SLC35F4: variants seen among roughly 807,000 people sequenced by gnomAD.
SLC35F4 encodes the protein solute carrier family 35 member F4, also known as chromosome 14 open reading frame 36.
SLC35F4 carries 24 observed loss-of-function variants against 44.2 expected under a neutral mutation model. The ratio of observed to expected loss-of-function variants is 0.54; its 90% CI spans 0.39 to 0.76. The LOEUF (loss-of-function observed/expected upper bound fraction) is 0.76. SLC35F4 is among the 30% of genes least tolerant of loss of function. The pLI, the probability that SLC35F4 is intolerant of heterozygous loss-of-function variation, is 0.00. For synonymous variants in SLC35F4, 238 were observed against 223.6 expected (o/e 1.06, Z -0.57); for missense variants, 562 against 586.1 (o/e 0.96, Z 0.42).
intron 1 of SLC35F4, among the ~76,000 whole-genome samples, chr14:57,754,659 T>G (rs1344028771): frequency 1.3e-5 from 2 of 152,246 alleles, no homozygotes; most frequent in African/African-American, 4.8e-5. Context: ...GCCTTTCATC[T>G]TGTATCAGGG....
intron 1 of SLC35F4, among the ~76,000 whole-genome samples, chr14:57,849,201 C>T (rs917795512): frequency 2.0e-5 from 3 of 152,178 alleles, no homozygotes; most frequent in African/African-American, 7.2e-5. Context: ...GTTGTTGTTG[C>T]CCAGGCTGGA....
chr14:57,610,832 C>G (rs559493305), intron 1 of SLC35F4, among the ~76,000 whole-genome samples: 1 of 152,298 alleles, frequency 6.6e-6, no homozygotes, highest in South Asian at 2.1e-4. Flanking sequence ...TGATAGGTAC[C>G]ATGCAGACCC....
chr14:57,680,225 A>C (rs918613394), intron 1 of SLC35F4, among the ~76,000 whole-genome samples: 3 of 152,144 alleles, frequency 2.0e-5, no homozygotes, highest in Non-Finnish European at 2.9e-5. Context: ...CTACATTAGC[A>C]AATCAATAAA....
intron 1 of SLC35F4, among the ~76,000 whole-genome samples, chr14:57,672,969 C>T (rs569508070): frequency 6.6e-6 from 1 of 151,648 alleles, no homozygotes; most frequent in Non-Finnish European, 1.5e-5. Context: ...GCTAATTTAA[C>T]ATTTTATTCA....
intron 1 of SLC35F4, among the ~76,000 whole-genome samples, chr14:57,846,358 G>A (rs879830437): frequency 1.3e-5 from 2 of 152,076 alleles, no homozygotes; most frequent in Non-Finnish European, 2.9e-5. Flanking sequence ...TTTCCATGTT[G>A]CCTGAATATT....
intron 1 of SLC35F4, among the ~76,000 whole-genome samples, chr14:57,595,445 T>C (rs1007194965): frequency 4.6e-5 from 7 of 152,150 alleles, no homozygotes; most frequent in Non-Finnish European, 7.3e-5. Context: ...TTCCATGCTC[T>C]CTTCTTCGGT....
chr14:57,739,171 G>C (rs2076542657), intron 1 of SLC35F4, among the ~76,000 whole-genome samples: 1 of 152,044 alleles, frequency 6.6e-6, no homozygotes, highest in Admixed American at 6.6e-5. Flanking sequence ...GGGACAGAGA[G>C]TCCTGAGGGT....
At chr14:57,735,725 GT>G (rs11337745) in intron 1 of SLC35F4, among the ~76,000 whole-genome samples, 18,952 of 140,780 alleles carry the variant, frequency 0.13, 1,748 homozygotes, top group African/African-American at 0.27. Flanking sequence ...ACCCCCTTTT[GT>G]TTTTTTTTTT....
At position 57,894,209 on chromosome 14, in the gene SLC35F4, T is replaced by C. The variant is rs1219345823; in HGVS notation, n.282+87704A>G. Reference sequence around the variant, plus strand: ...AAGTATTATTCAAGGTACTATACAATGATATTATAGCAAGCACTATATGAA... The same window carrying C: ...AAGTATTATTCAAGGTACTATACAACGATATTATAGCAAGCACTATATGAA... On this transcript the variant is annotated intron_variant and non_coding_transcript_variant, in intron 1 of 1. Coordinates refer to the SLC35F4 transcript ENST00000556568. Among the ~76,000 whole-genome samples, 4 of 152,210 alleles carry C rather than the reference T, an allele frequency of 2.6e-5. No individual in the cohort carries two copies. The East Asian group carries it at 5.8e-4, about 22-fold the overall frequency.
chr14:57,714,773 T>A (rs1309506259), intron 1 of SLC35F4, among the ~76,000 whole-genome samples: 1 of 152,098 alleles, frequency 6.6e-6, no homozygotes, highest in Non-Finnish European at 1.5e-5. Flanking sequence ...AGATTAGTGA[T>A]AGAGAGATGC....
chr14:57,913,105 G>C (rs7148141), intron 1 of SLC35F4, among the ~76,000 whole-genome samples: 46,664 of 151,740 alleles, frequency 0.31, 7,856 homozygotes, highest in East Asian at 0.5. Flanking sequence ...TTTCATTACT[G>C]TTAGTATGAT....
Position 57,709,592 on chromosome 14 carries a change from C to A in SLC35F4, c.104-115468G>T, listed in dbSNP as rs140775164. Among the ~76,000 whole-genome samples, 72 of 152,206 alleles carry A rather than the reference C, an allele frequency of 4.7e-4. 1 individual carries two copies. The East Asian group carries it at 0.013, about 27-fold the overall frequency. ...TGCCCTCGGTCTCTTGCCTCGGCAC[C>A]TAGGTGGCTTGCCGCTCACAAAACT... On this transcript the variant is annotated intron_variant, in intron 1 of 7. Coordinates refer to ENST00000556826, the MANE Select transcript of SLC35F4 (RefSeq NM_001306087.2).
chr14:57,799,886 G>C (rs1301283195), intron 1 of SLC35F4, among the ~76,000 whole-genome samples: 1 of 152,204 alleles, frequency 6.6e-6, no homozygotes, highest in Non-Finnish European at 1.5e-5. Flanking sequence ...TGAGGGGGAG[G>C]TGCAGACACC....
At chr14:57,580,315 T>C (rs571680769) in intron 4 of SLC35F4, 5 of 164,854 alleles carry the variant, frequency 3.0e-5, no homozygotes, top group South Asian at 2.8e-4. Context: ...CTTGGAATCA[T>C]TGCCAATAAG....
chr14:57,581,915 C>T (rs1388715647), intron 3 of SLC35F4, among the ~76,000 whole-genome samples: 1 of 152,188 alleles, frequency 6.6e-6, no homozygotes, highest in African/African-American at 2.4e-5. Context: ...GACACTAAGC[C>T]ACTTTCTAAT....
intron 4 of SLC35F4, among the ~76,000 whole-genome samples, chr14:57,576,484 T>C (rs1460249850): frequency 6.6e-6 from 1 of 152,210 alleles, no homozygotes; most frequent in Non-Finnish European, 1.5e-5. Context: ...ATGCTAATGA[T>C]TATCTCTCTG....
At chr14:57,787,829 C>G (rs1475882706) in intron 1 of SLC35F4, among the ~76,000 whole-genome samples, 1 of 152,076 alleles carries the variant, frequency 6.6e-6, no homozygotes, top group African/African-American at 2.4e-5. Context: ...CACACAGGAC[C>G]TATAAAACAA....
chr14:57,804,699 C>T (rs1027524971), intron 1 of SLC35F4, among the ~76,000 whole-genome samples: 6 of 152,162 alleles, frequency 3.9e-5, no homozygotes, highest in African/African-American at 1.2e-4. Context: ...GCATTCAGGA[C>T]ATAGGCACAA....
rs1423764575 is a variant in SLC35F4, at chr14:57,620,611, G to A, written c.104-26487C>T. On this transcript the variant is annotated intron_variant, in intron 1 of 7. Transcript: ENST00000556826. Reference sequence around the variant, plus strand: ...ACACCAAATTGTGCCAGTTTTCAAAGGGAATGCTTCCAGTTTTTGCCCATT... The same window carrying A: ...ACACCAAATTGTGCCAGTTTTCAAAAGGAATGCTTCCAGTTTTTGCCCATT... Among the ~76,000 whole-genome samples, 3 of 152,278 alleles carry A rather than the reference G, an allele frequency of 2.0e-5. 1 individual carries two copies. The highest frequency in any genetic ancestry group is 6.8e-3 in the Middle Eastern group (2 of 294).
Sources: allele counts gnomAD v4.1 joint callset (sites outside exome capture counted in the v4.1 genomes callset), GRCh38; gene constraint gnomAD v4.1.1; transcripts MANE v1.5; gene names NCBI Gene and HGNC (gene_info 2026-07-23, HGNC 2026-07-21).